The following BAZ1A variants were observed in gnomAD, a reference collection of about 807,000 sequenced individuals.
BAZ1A encodes bromodomain adjacent to zinc finger domain 1A, also known as bromodomain adjacent to zinc finger domain protein 1A.
A neutral mutation model predicts 185.2 loss-of-function variants in BAZ1A; 50 were observed. That is an observed-to-expected ratio of 0.27 (90% CI 0.22 to 0.34). The LOEUF is 0.34. Among genes scored for constraint, BAZ1A ranks in the 10% least tolerant of loss-of-function variants. The probability of loss-of-function intolerance (pLI) is 1.00; values close to 1 mark genes in which losing one functional copy is unlikely to be tolerated. For missense variants in BAZ1A, 1,356 were observed against 1,839.9 expected (o/e 0.74, Z 4.81); for synonymous variants, 571 against 615.6 (o/e 0.93, Z 1.07).
chr14:34,786,246 C>G, intron 12 of BAZ1A, 25 bp from the exon 13 acceptor site: 1 of 1,576,780 alleles, frequency 6.3e-7, no homozygotes, highest in Non-Finnish European at 8.6e-7. Flanking sequence ...ATACTTTATT[C>G]TAGTGCAAAT....
At chr14:34,773,270 G>T (rs555875532) in intron 20 of BAZ1A, among the ~76,000 whole-genome samples, 9 of 151,368 alleles carry the variant, frequency 5.9e-5, no homozygotes, top group South Asian at 4.2e-4. Context: ...TAGAAAAGAA[G>T]AATAATAGTA....
intron 24 of BAZ1A, among the ~76,000 whole-genome samples, chr14:34,759,244 G>A (rs950376654): frequency 8.9e-5 from 12 of 134,668 alleles, no homozygotes; most frequent in Admixed American, 1.6e-4. Flanking sequence ...GCAGTGTCGC[G>A]ATCTTGGCTC....
At chr14:34,823,276 T>G (rs2042114242) in intron 4 of BAZ1A, among the ~76,000 whole-genome samples, 1 of 151,014 alleles carries the variant, frequency 6.6e-6, no homozygotes, top group Admixed American at 6.6e-5. Flanking sequence ...ATCACTTGAA[T>G]CCAGGAAGTA....
At position 34,776,149 on chromosome 14, in the gene BAZ1A, G is replaced by A; in HGVS notation, c.2603C>T (p.Thr868Ile). The change falls in exon 18 of 27, where the codon ACC (threonine) becomes ATC (isoleucine). Residue 868 changes from threonine to isoleucine, a missense_variant. Transcript: ENST00000360310. Reference sequence around the variant, plus strand: ...ACGTGGACCTTGGTCAATGTTGGAGGTAGATTCAGACATCAAAGGCTCTCC... The same window carrying A: ...ACGTGGACCTTGGTCAATGTTGGAGATAGATTCAGACATCAAAGGCTCTCC... The part of the protein sequence containing the change: ...KTGEPLMSES[T>I]SNIDQGPRDH... The A allele has an allele frequency of 6.2e-7, 1 of 1,614,188 alleles. No homozygotes were observed. Among genetic ancestry groups the A allele is most frequent in the Non-Finnish European group, 8.5e-7 (1 of 1,180,024 alleles).
intron 2 of BAZ1A, among the ~76,000 whole-genome samples, chr14:34,863,455 G>A (rs761740660): frequency 1.3e-5 from 2 of 150,746 alleles, no homozygotes; most frequent in Non-Finnish European, 3.0e-5. Flanking sequence ...GAGCCACCGC[G>A]CCCGGCCATG....
intron 9 of BAZ1A, among the ~76,000 whole-genome samples, chr14:34,797,250 TAAAC>T (rs528583166): frequency 5.7e-4 from 87 of 152,234 alleles, no homozygotes; most frequent in Non-Finnish European, 1.0e-3. Flanking sequence ...AGACTAGAAA[TAAAC>T]AAATCAAAGT....
intron 2 of BAZ1A, among the ~76,000 whole-genome samples, chr14:34,870,913 T>C (rs1176075267): frequency 6.6e-6 from 1 of 152,240 alleles, no homozygotes; most frequent in Non-Finnish European, 1.5e-5. Flanking sequence ...GGATGCCTTG[T>C]AAGCTAGTTA....
chr14:34,825,227 G>A (rs975979638), intron 4 of BAZ1A, among the ~76,000 whole-genome samples: 24 of 152,112 alleles, frequency 1.6e-4, no homozygotes, highest in African/African-American at 5.6e-4. Flanking sequence ...GCCAAGGTAG[G>A]TCAATCACCT....
At chr14:34,862,989 T>C (rs2042794979) in intron 2 of BAZ1A, among the ~76,000 whole-genome samples, 1 of 28,750 alleles carries the variant, frequency 3.5e-5, no homozygotes, top group South Asian at 1.8e-3. Context: ...CCACTCTCTC[T>C]TTTTTTTTTT....
chr14:34,825,908 A>C (rs1163915251), intron 4 of BAZ1A, 105 bp downstream of exon 4: 16 of 1,178,838 alleles, frequency 1.4e-5, no homozygotes, highest in Non-Finnish European at 1.6e-5. Flanking sequence ...ACTGTACTCC[A>C]GCCTGGGCAA....
intron 3 of BAZ1A, among the ~76,000 whole-genome samples, chr14:34,827,734 C>CAA (rs60368383): frequency 2.3e-5 from 3 of 133,096 alleles, no homozygotes; most frequent in African/African-American, 5.8e-5. Context: ...GACTCTGTCT[C>CAA]AAAAAAAAAA....
At chr14:34,856,116 T>A (rs1252425117) in intron 3 of BAZ1A, among the ~76,000 whole-genome samples, 1 of 152,082 alleles carries the variant, frequency 6.6e-6, no homozygotes, top group African/African-American at 2.4e-5. Context: ...CACTGAGATA[T>A]CATCCAATCT....
intron 4 of BAZ1A, among the ~76,000 whole-genome samples, chr14:34,821,722 C>T (rs1456172289): frequency 3.3e-5 from 5 of 152,230 alleles, no homozygotes; most frequent in South Asian, 2.1e-4. Flanking sequence ...GGGTGGCTCA[C>T]GCCTGTAATC....
chr14:34,856,025 T>G (rs2138802913), intron 3 of BAZ1A, among the ~76,000 whole-genome samples: 1 of 152,338 alleles, frequency 6.6e-6, no homozygotes, highest in Non-Finnish European at 1.5e-5. Flanking sequence ...ATATGCCTAG[T>G]ATTTAATATA....
At chr14:34,840,401 A>G (rs2042394438) in intron 3 of BAZ1A, among the ~76,000 whole-genome samples, 1 of 152,184 alleles carries the variant, frequency 6.6e-6, no homozygotes. Flanking sequence ...GTACATCAAA[A>G]TAAAGTACAT....
intron 23 of BAZ1A, among the ~76,000 whole-genome samples, chr14:34,764,173 T>C (rs1439813551): frequency 6.6e-6 from 1 of 152,204 alleles, no homozygotes; most frequent in East Asian, 1.9e-4. Context: ...CATTTATCAC[T>C]CTCTCTCAGA....
At chr14:34,812,076 G>A (rs975066598) in intron 4 of BAZ1A, among the ~76,000 whole-genome samples, 5 of 152,054 alleles carry the variant, frequency 3.3e-5, no homozygotes, top group African/African-American at 1.2e-4. Flanking sequence ...CGAGATACAG[G>A]CAAACAAAAA....
intron 5 of BAZ1A, among the ~76,000 whole-genome samples, chr14:34,808,906 T>C (rs150714614): frequency 0.015 from 2,288 of 152,288 alleles, 27 homozygotes; most frequent in Non-Finnish European, 0.022. Flanking sequence ...AAACAATATA[T>C]GATTTTTAAG....
At chr14:34,765,294 C>A in intron 21 of BAZ1A, 26 bp from the exon 22 acceptor site, 4 of 1,605,040 alleles carry the variant, frequency 2.5e-6, no homozygotes, top group Admixed American at 1.7e-5. Context: ...AAAGTGATTA[C>A]AATTTTTTAG....
Sources: gnomAD v4.1 joint callset for allele counts (sites outside exome capture counted in the v4.1 genomes callset) on GRCh38, gnomAD v4.1.1 for gene constraint, MANE v1.5 for transcripts, NCBI Gene and HGNC (gene_info 2026-07-23, HGNC 2026-07-21) for gene names.